Variants in ZFHX3 observed in about 807,000 individuals in gnomAD.
ZFHX3 encodes the protein zinc finger homeobox protein 3.
In ZFHX3, 42 loss-of-function variants were observed where a neutral mutation model predicts 279.1. The observed-to-expected ratio is 0.15, with a 90% CI of 0.12 to 0.19. ZFHX3 has a LOEUF of 0.19. Ranked by LOEUF, ZFHX3 falls within the 10% of genes least tolerant of loss-of-function variation. ZFHX3 has a pLI of 1.00. For missense variants in ZFHX3, 4,981 were observed against 4,754.0 expected (o/e 1.05, Z -1.40); for synonymous variants, 2,293 against 1,957.8 (o/e 1.17, Z -4.52).
In ZFHX3 at chr16:73,009,894, G is replaced by A. The variant is rs370789697; in HGVS notation, c.-50+37858C>T. Among the ~76,000 whole-genome samples the A allele has an allele frequency of 9.7e-4, 148 of 152,126 alleles. 2 individuals are homozygous for A. The South Asian group carries it at 0.025, about 26-fold the overall frequency. On this transcript the variant is annotated intron_variant, in intron 1 of 9. Coordinates refer to ENST00000268489, the MANE Select transcript of ZFHX3 (RefSeq NM_006885.4). ...AAATTAGCAGGGTGTGGTGGCGCACGCCTGTAATCCCAGCTATTCAGGAGG... is the reference window on the plus strand; with the variant it reads ...AAATTAGCAGGGTGTGGTGGCGCACACCTGTAATCCCAGCTATTCAGGAGG...
At chr16:72,876,608 T>C (rs2038322202) in intron 4 of ZFHX3, among the ~76,000 whole-genome samples, 1 of 152,146 alleles carries the variant, frequency 6.6e-6, no homozygotes, top group Non-Finnish European at 1.5e-5. Context: ...AAAAAAGTTA[T>C]GATATACTTT....
At chr16:73,349,435 G>A (rs2016182868) in intron 3 of ZFHX3, among the ~76,000 whole-genome samples, 2 of 151,758 alleles carry the variant, frequency 1.3e-5, no homozygotes, top group Admixed American at 6.6e-5. Context: ...CGTAGGAGGT[G>A]TTAGTAGCAG....
At chr16:73,453,564 C>T (rs574743050) in intron 3 of ZFHX3, among the ~76,000 whole-genome samples, 120 of 152,310 alleles carry the variant, frequency 7.9e-4, no homozygotes, top group African/African-American at 2.6e-3. Flanking sequence ...CCATCCTGGC[C>T]CAGGAGCCAG....
chr16:73,446,466 T>C (rs1050591646), intron 3 of ZFHX3, among the ~76,000 whole-genome samples: 3 of 152,128 alleles, frequency 2.0e-5, no homozygotes, highest in African/African-American at 7.2e-5. Context: ...CCACTGACTA[T>C]GGTGAGAACA....
chr16:73,219,172 A>G (rs2144918377), intron 5 of ZFHX3, among the ~76,000 whole-genome samples: 1 of 152,306 alleles, frequency 6.6e-6, no homozygotes, highest in East Asian at 1.9e-4. Context: ...GATAGATCAC[A>G]TTTTGTTTGT....
chr16:73,535,025 A>T (rs2019871896), intron 2 of ZFHX3, among the ~76,000 whole-genome samples: 1 of 151,996 alleles, frequency 6.6e-6, no homozygotes, highest in Admixed American at 6.5e-5. Flanking sequence ...ATGCCTGACA[A>T]CCAACTCTTG....
chr16:73,149,693 G>C (rs1966894310), intron 5 of ZFHX3, among the ~76,000 whole-genome samples: 1 of 152,174 alleles, frequency 6.6e-6, no homozygotes, highest in Non-Finnish European at 1.5e-5. Flanking sequence ...TCAACTAGCA[G>C]TTTGGTTTCA....
chr16:73,464,606 A>AGAG (rs1173482430), intron 2 of ZFHX3, among the ~76,000 whole-genome samples: 2 of 96,030 alleles, frequency 2.1e-5, no homozygotes, highest in African/African-American at 8.0e-5. Flanking sequence ...GGCGGGGGGG[A>AGAG]GAGGGGAAAA....
Position 72,811,875 on chromosome 16 carries a change from C to T in ZFHX3, c.3663+30G>A, listed in dbSNP as rs1177398655. On this transcript the variant is annotated intron_variant, in intron 6 of 9. Transcript: ENST00000268489. The stretch of plus-strand genomic sequence containing the variant: ...TACCAATGTCTAAAACACCTCACCT[C>T]CCCACCAGCAGAGTCCCTTCCAGCC... 5 of 1,602,056 alleles carry T rather than the reference C, an allele frequency of 3.1e-6. No individual in the cohort carries two copies. The Admixed American group carries it at 6.7e-5, about 22-fold the overall frequency.
chr16:73,887,861 T>TA (rs2030399419), intron 1 of ZFHX3, among the ~76,000 whole-genome samples: 1 of 151,692 alleles, frequency 6.6e-6, no homozygotes, highest in African/African-American at 2.4e-5. Context: ...TGAATTTTTT[T>TA]TAAAAAAACA....
At chr16:72,975,508 C>T (rs757559225) in intron 1 of ZFHX3, among the ~76,000 whole-genome samples, 16 of 152,228 alleles carry the variant, frequency 1.1e-4, no homozygotes, top group East Asian at 1.9e-4. Flanking sequence ...GATCATGAAA[C>T]GTGATCACAT....
At chr16:72,913,655 G>T (rs1370266133) in intron 3 of ZFHX3, among the ~76,000 whole-genome samples, 2 of 152,166 alleles carry the variant, frequency 1.3e-5, no homozygotes, top group African/African-American at 2.4e-5. Flanking sequence ...TCATTAAAAA[G>T]AGTCACTAAG....
At chr16:73,610,473 C>A (rs1371066478) in intron 2 of ZFHX3, among the ~76,000 whole-genome samples, 1 of 152,148 alleles carries the variant, frequency 6.6e-6, no homozygotes, top group African/African-American at 2.4e-5. Context: ...ACATTTCTTG[C>A]TCTGAAAATG....
Position 73,066,690 on chromosome 16 carries a change from G to A in ZFHX3, c.-532-7678C>T, listed in dbSNP as rs142586709. ...GGCCCGGGGGACCGCCCCAGCAGTG[G>A]TCTGGAAAGGAGAGGGCGCGGCGAG... On this transcript the variant is annotated intron_variant, in intron 8 of 17. Transcript: ENST00000641206. Among the ~76,000 whole-genome samples the A allele has an allele frequency of 2.4e-3, 359 of 152,322 alleles. 4 individuals carry two copies. Among genetic ancestry groups the A allele is most frequent in the African/African-American group, 8.1e-3 (337 of 41,592 alleles).
At chr16:73,620,892 G>GA (rs2052352764) in intron 2 of ZFHX3, among the ~76,000 whole-genome samples, 1 of 152,212 alleles carries the variant, frequency 6.6e-6, no homozygotes, top group Non-Finnish European at 1.5e-5. Flanking sequence ...TTGGGTGAGA[G>GA]AAAAGGACCA....
At chr16:73,207,093 A>T (rs1393025121) in intron 5 of ZFHX3, among the ~76,000 whole-genome samples, 1 of 151,380 alleles carries the variant, frequency 6.6e-6, no homozygotes, top group Admixed American at 6.6e-5. Flanking sequence ...AAAAGTACCT[A>T]TTTATGCAGA....
chr16:73,057,908 C>T (rs1815985070), intron 1 of ZFHX3, among the ~76,000 whole-genome samples: 1 of 148,684 alleles, frequency 6.7e-6, no homozygotes, highest in African/African-American at 2.4e-5. Context: ...GCGGCGACTG[C>T]TCCGGGCCGG....
intron 5 of ZFHX3, among the ~76,000 whole-genome samples, chr16:73,147,598 A>T (rs533053822): frequency 1.4e-5 from 2 of 145,762 alleles, no homozygotes; most frequent in African/African-American, 5.1e-5. Flanking sequence ...AGGCTGAGGC[A>T]GGAGAATGGC....
chr16:72,971,034 G>A (rs972494261), intron 1 of ZFHX3, among the ~76,000 whole-genome samples: 9 of 152,096 alleles, frequency 5.9e-5, no homozygotes, highest in Admixed American at 2.0e-4. Flanking sequence ...GTAGTTTTTC[G>A]GGCTTTTTTC....
Sources: gnomAD v4.1 joint callset for allele counts (sites outside exome capture counted in the v4.1 genomes callset) on GRCh38, gnomAD v4.1.1 for gene constraint, MANE v1.5 for transcripts, NCBI Gene and HGNC (gene_info 2026-07-23, HGNC 2026-07-21) for gene names.